The following PCDHA7 variants were observed in gnomAD, a reference collection of about 807,000 sequenced individuals.
PCDHA7 encodes protocadherin alpha 7, also known as protocadherin alpha-7.
A neutral mutation model predicts 57.2 loss-of-function variants in PCDHA7; 37 were observed. The ratio of observed to expected loss-of-function variants is 0.65; its 90% CI spans 0.50 to 0.85. PCDHA7 has a LOEUF of 0.85. PCDHA7 is among the 40% of genes least tolerant of loss of function. The pLI is 0.00. For synonymous variants in PCDHA7, 553 were observed against 558.8 expected, an observed-to-expected ratio of 0.99 and a Z score of 0.15; for missense variants, 1,188 against 1,241.8, an observed-to-expected ratio of 0.96 and a Z score of 0.65.
chr5:140,904,747 A>T (rs1462923024), intron 1 of PCDHA7, among the ~76,000 whole-genome samples: 1 of 151,918 alleles, frequency 6.6e-6, no homozygotes, highest in Non-Finnish European at 1.5e-5. Context: ...TATTATGACC[A>T]TTTTTGCAAG....
chr5:140,946,271 A>G (rs2093916351), intron 1 of PCDHA7, among the ~76,000 whole-genome samples: 1 of 152,058 alleles, frequency 6.6e-6, no homozygotes, highest in Non-Finnish European at 1.5e-5. Context: ...GCGAATTAAA[A>G]CCCCAATGAG....
At chr5:140,967,624 G>C (rs950749188) in intron 1 of PCDHA7, 1 of 1,614,158 alleles carries the variant, frequency 6.2e-7, no homozygotes, top group Non-Finnish European at 8.5e-7. Flanking sequence ...ACCCGGATGA[G>C]GGCTCCAATG....
chr5:140,946,844 G>A (rs189496185), intron 1 of PCDHA7, among the ~76,000 whole-genome samples: 5 of 151,386 alleles, frequency 3.3e-5, no homozygotes, highest in Non-Finnish European at 5.9e-5. Context: ...CAGTAGTAAG[G>A]AGGAGAGATT....
intron 1 of PCDHA7, chr5:140,871,653 C>G (rs2053243834): frequency 3.2e-6 from 4 of 1,244,250 alleles, no homozygotes; most frequent in Non-Finnish European, 4.4e-6. Flanking sequence ...CCAAATGATA[C>G]ACATCTTCAG....
intron 1 of PCDHA7, among the ~76,000 whole-genome samples, chr5:140,918,323 T>C (rs1554198562): frequency 7.2e-5 from 11 of 152,184 alleles, no homozygotes. Flanking sequence ...TATAAAATTA[T>C]ATTGTCTGCT....
rs553967078 is a variant in PCDHA7, at chr5:140,856,258, C to T, written c.2355+19520C>T. 103 of 1,598,068 alleles carry T rather than the reference C, an allele frequency of 6.4e-5. 11 individuals carry two copies. The highest frequency in any genetic ancestry group is 2.7e-4 in the Admixed American group (16 of 59,260). On this transcript the variant is annotated intron_variant, in intron 1 of 3. Transcript: ENST00000525929. Reference sequence around the variant, plus strand: ...TGTTCCGGGTGGCGTCCAAAAGACACGGGGACCTTCTGGAGGTAAATCTGC... The same window carrying T: ...TGTTCCGGGTGGCGTCCAAAAGACATGGGGACCTTCTGGAGGTAAATCTGC...
chr5:140,972,700 T>C (rs1353443535), intron 1 of PCDHA7, among the ~76,000 whole-genome samples: 3 of 147,702 alleles, frequency 2.0e-5, no homozygotes, highest in African/African-American at 7.5e-5. Context: ...AGTCTCACTC[T>C]GTTGCCAGGC....
At chr5:140,843,901 A>C in intron 1 of PCDHA7, 3 of 653,454 alleles carry the variant, frequency 4.6e-6, no homozygotes, top group South Asian at 2.2e-5. Context: ...ATCATTCTCC[A>C]CAAGTTGGGT....
chr5:140,874,521 T>C (rs571924676), intron 1 of PCDHA7, among the ~76,000 whole-genome samples: 4 of 152,358 alleles, frequency 2.6e-5, no homozygotes, highest in African/African-American at 9.6e-5. Flanking sequence ...CTTTAGTCAA[T>C]GAGATTAGGC....
intron 1 of PCDHA7, chr5:140,857,282 C>T: frequency 6.3e-7 from 1 of 1,598,744 alleles, no homozygotes; most frequent in Non-Finnish European, 8.6e-7. Flanking sequence ...GGACAGCGCT[C>T]TGGACCGCGA....
chr5:140,877,184 G>C (rs1554169429), intron 1 of PCDHA7: 1 of 1,613,842 alleles, frequency 6.2e-7, no homozygotes. Context: ...ACTCCGGCTG[G>C]CAGCGCAGGA....
intron 1 of PCDHA7, chr5:140,868,989 C>T (rs1280457697): frequency 1.3e-6 from 2 of 1,506,850 alleles, no homozygotes; most frequent in Non-Finnish European, 1.8e-6. Context: ...CGGATGCCAC[C>T]GTTTAAGGAT....
intron 1 of PCDHA7, among the ~76,000 whole-genome samples, chr5:140,893,800 T>C (rs1483033571): frequency 6.6e-6 from 1 of 152,174 alleles, no homozygotes; most frequent in Non-Finnish European, 1.5e-5. Flanking sequence ...ATTCCCTCCT[T>C]GTCTTGAGTC....
intron 1 of PCDHA7, chr5:140,842,971 G>T: frequency 6.3e-7 from 1 of 1,594,964 alleles, no homozygotes; most frequent in Non-Finnish European, 8.6e-7. Context: ...GCAACGTGAC[G>T]CTGCAGGTGT....
chr5:140,927,948 C>G, intron 1 of PCDHA7: 4 of 1,614,190 alleles, frequency 2.5e-6, no homozygotes, highest in Non-Finnish European at 3.4e-6. Flanking sequence ...TACCTGAGGA[C>G]GCTGCCCCTG....
intron 1 of PCDHA7, chr5:140,883,057 G>A (rs781846985): frequency 1.2e-6 from 2 of 1,614,006 alleles, no homozygotes; most frequent in South Asian, 1.1e-5. Flanking sequence ...TAGTGATCAA[G>A]CTAAATGCCA....
chr5:140,850,326 C>A (rs2150479866), intron 1 of PCDHA7: 3 of 1,597,642 alleles, frequency 1.9e-6, no homozygotes, highest in East Asian at 2.2e-5. Flanking sequence ...TTCATACGAG[C>A]TGCAGCCAGA....
chr5:140,986,371 G>A (rs1453761888), intron 3 of PCDHA7, among the ~76,000 whole-genome samples: 1 of 152,116 alleles, frequency 6.6e-6, no homozygotes, highest in African/African-American at 2.4e-5. Context: ...AATGCGTTTT[G>A]GGGGGAGGGA....
intron 1 of PCDHA7, among the ~76,000 whole-genome samples, chr5:140,975,757 A>G (rs779490429): frequency 6.6e-5 from 10 of 152,234 alleles, no homozygotes; most frequent in South Asian, 2.1e-4. Flanking sequence ...ATTCTATGTC[A>G]TAAATCACAG....
Sources: allele counts gnomAD v4.1 joint callset (sites outside exome capture counted in the v4.1 genomes callset), GRCh38; gene constraint gnomAD v4.1.1; transcripts MANE v1.5; gene names NCBI Gene and HGNC (gene_info 2026-07-23, HGNC 2026-07-21).